Variants in DNAI1 observed in about 807,000 individuals in gnomAD.
DNAI1 encodes the protein dynein, axonemal, intermediate polypeptide 1.
A neutral mutation model predicts 92.0 loss-of-function variants in DNAI1; 67 were observed. That is an observed-to-expected ratio of 0.73 (90% CI 0.60 to 0.89). The LOEUF (loss-of-function observed/expected upper bound fraction) is 0.89, where lower values mean the gene tolerates loss of function less well. Ranked by LOEUF, DNAI1 falls within the 40% of genes least tolerant of loss-of-function variation. DNAI1 has a pLI of 0.00. For missense variants in DNAI1, 839 were observed against 866.6 expected (o/e 0.97, Z 0.40); for synonymous variants, 323 against 319.6 (o/e 1.01, Z -0.11).
rs911054509 is a variant in DNAI1 at position 34,466,665 on chromosome 9, A to G, written c.48+7612A>G. On this transcript the variant is annotated intron_variant, in intron 1 of 19. Transcript: ENST00000242317. ...ATGTGGGGAGTTACAGATGGTTATT[A>G]TAAGTACATAGATAACCTAGAATTG... Among the ~76,000 whole-genome samples, 7 of 152,270 alleles carry G rather than the reference A, an allele frequency of 4.6e-5. No individual in the cohort carries two copies. The East Asian group carries it at 1.2e-3, about 25-fold the overall frequency.
At chr9:34,509,326 T>C (rs932134455) in intron 13 of DNAI1, among the ~76,000 whole-genome samples, 7 of 152,122 alleles carry the variant, frequency 4.6e-5, no homozygotes, top group African/African-American at 1.7e-4. Flanking sequence ...TGTTGGGAAG[T>C]GACACGTCAT....
chr9:34,472,857 G>T (rs149320034), intron 1 of DNAI1, among the ~76,000 whole-genome samples: 345 of 151,602 alleles, frequency 2.3e-3, no homozygotes, highest in South Asian at 8.9e-3. Flanking sequence ...AGCCGTGATT[G>T]TGTTGCTGCA....
intron 12 of DNAI1, among the ~76,000 whole-genome samples, chr9:34,502,708 C>A (rs560526283): frequency 1.3e-5 from 2 of 152,218 alleles, no homozygotes; most frequent in African/African-American, 4.8e-5. Flanking sequence ...CAGGCACTTA[C>A]CTGAGAACGG....
At chr9:34,463,059 A>T (rs955261957) in intron 1 of DNAI1, among the ~76,000 whole-genome samples, 4 of 152,162 alleles carry the variant, frequency 2.6e-5, no homozygotes, top group African/African-American at 7.2e-5. Context: ...GAATCACAAG[A>T]TTATCATTTA....
intron 4 of DNAI1, among the ~76,000 whole-genome samples, chr9:34,487,629 A>T (rs1211139884): frequency 1.3e-5 from 2 of 151,988 alleles, no homozygotes; most frequent in Non-Finnish European, 2.9e-5. Flanking sequence ...TGTTCTTCTG[A>T]CATCTGAAAG....
chr9:34,494,086 G>C (rs1385457475), intron 9 of DNAI1, among the ~76,000 whole-genome samples: 7 of 152,136 alleles, frequency 4.6e-5, no homozygotes, highest in African/African-American at 1.7e-4. Flanking sequence ...GGATGGGTTT[G>C]ACTTGCAGTG....
At chr9:34,490,328 T>C (rs1290985060) in intron 6 of DNAI1, 41 bp from the exon 7 acceptor site, 3 of 1,614,034 alleles carry the variant, frequency 1.9e-6, no homozygotes, top group African/African-American at 2.7e-5. Context: ...TCTACCACCT[T>C]CTCACAGCTG....
Position 34,490,145 on chromosome 9 carries a change from G to A in DNAI1, c.501+21G>A, listed in dbSNP as rs1425962559. 9.9e-6 allele frequency: 16 copies of A among 1,613,640 alleles called. 1 individual carries two copies. The Middle Eastern group carries it at 8.3e-4, about 83-fold the overall frequency. ...CTGGGGTACAGTATAATATCGCTCT[G>A]TGTCCCTCTTCTTCCAGCTCAAGCT... is the stretch of plus-strand genomic sequence containing the variant. On this transcript the variant is annotated intron_variant, in intron 6 of 19. Coordinates refer to ENST00000242317, the MANE Select transcript of DNAI1 (RefSeq NM_012144.4).
chr9:34,506,681 C>T lies in DNAI1; in HGVS notation c.1118C>T (p.Pro373Leu). 6.2e-7 allele frequency: 1 copy of T among 1,614,194 alleles called. No homozygotes were observed. The highest frequency in any genetic ancestry group is 8.5e-7 in the Non-Finnish European group (1 of 1,180,038). ...GMLLLYSLKN[P>L]SFPEYMFSSN... ...CTGCTGCTCTACAGCCTGAAGAACC[C>T]CAGCTTCCCTGAGTACATGTTCAGC... Residue 373 changes from proline to leucine, a missense_variant, in exon 13 of 20, where the codon CCC becomes CTC. Physicochemically the swap from Pro to Leu is moderately conservative, Grantham distance 98 (BLOSUM62 -3). Coordinates refer to ENST00000242317, the MANE Select transcript of DNAI1 (RefSeq NM_012144.4).
At chr9:34,510,757 C>G (rs958202063) in intron 13 of DNAI1, among the ~76,000 whole-genome samples, 3 of 152,172 alleles carry the variant, frequency 2.0e-5, no homozygotes, top group Non-Finnish European at 4.4e-5. Context: ...GCGCCTCTTA[C>G]AGCCTGGCCT....
At chr9:34,480,967 G>A (rs144968099) in intron 1 of DNAI1, among the ~76,000 whole-genome samples, 2,480 of 152,044 alleles carry the variant, frequency 0.016, 60 homozygotes, top group African/African-American at 0.055. Flanking sequence ...TAGGCTGGGC[G>A]TGGTGGCTTA....
chr9:34,505,980 G>T (rs1015914897), intron 12 of DNAI1, among the ~76,000 whole-genome samples: 1 of 152,170 alleles, frequency 6.6e-6, no homozygotes, highest in Non-Finnish European at 1.5e-5. Context: ...ACATGGGGCT[G>T]GTGGGGAGAA....
intron 13 of DNAI1, among the ~76,000 whole-genome samples, chr9:34,510,163 CAGA>C (rs1046307441): frequency 1.3e-5 from 2 of 152,112 alleles, no homozygotes; most frequent in African/African-American, 2.4e-5. Flanking sequence ...CAGGCTGAGG[CAGA>C]AGGAGTTTGT....
chr9:34,466,168 GCACTACTCTGAA>G (rs144025582), intron 1 of DNAI1, among the ~76,000 whole-genome samples: 3,631 of 152,280 alleles, frequency 0.024, 126 homozygotes, highest in African/African-American at 0.08. Flanking sequence ...GGTATGTACT[GCACTACTCTGAA>G]CACTAACTTT....
intron 12 of DNAI1, among the ~76,000 whole-genome samples, chr9:34,503,728 C>T (rs1019005765): frequency 6.6e-6 from 1 of 152,150 alleles, no homozygotes; most frequent in African/African-American, 2.4e-5. Context: ...CAGAAACATC[C>T]CTACCTGCTT....
rs1430033932 is a variant in DNAI1 at position 34,492,511 on chromosome 9, T to G, written c.682-683T>G. 2.0e-3 allele frequency among the ~76,000 whole-genome samples: 222 copies of G among 109,166 alleles called. 11 individuals are homozygous for G. The highest frequency in any genetic ancestry group is 4.6e-3 in the Middle Eastern group (1 of 216). 71.6% of individuals were successfully genotyped at this position (109,166 alleles called of 152,430 possible). On this transcript the variant is annotated intron_variant, in intron 8 of 19. Coordinates refer to ENST00000242317, the MANE Select transcript of DNAI1 (RefSeq NM_012144.4). ...ATATGAAGATATATATATATATATA[T>G]ATATATATATATATATATATATATT...
intron 4 of DNAI1, chr9:34,488,113 T>C (rs1480123513): frequency 5.1e-6 from 2 of 394,328 alleles, no homozygotes; most frequent in Admixed American, 3.0e-5. Flanking sequence ...ATATTGAGCA[T>C]TTATTATGTG....
chr9:34,458,893 C>A lies in DNAI1; in HGVS notation c.-113C>A. ...GACGGCTGTCCCTAAAGAACCGTTG[C>A]GACTGGTAACTGAAGTGGAAGAGAG... On this transcript the variant is annotated 5_prime_UTR_variant, in exon 1 of 20. Coordinates refer to ENST00000242317, the MANE Select transcript of DNAI1 (RefSeq NM_012144.4). This position sits in a 1 kb window ranked among gnomAD's most constrained non-coding sequence, Gnocchi z 6.6. The A allele has an allele frequency of 3.2e-6, 3 of 931,930 alleles. No individual in the cohort carries two copies. The highest frequency in any genetic ancestry group is 5.3e-6 in the Non-Finnish European group (3 of 570,082). The allele number at this position is 931,930 out of a possible 1,614,324, so 57.7% of individuals were successfully genotyped here. A position where few individuals can be genotyped will look rare whatever the true frequency, so the allele number is the denominator to read the frequency against.
chr9:34,518,728 G>A lies in DNAI1; in HGVS notation c.2001+1261G>A, dbSNP rs192361134. Among the ~76,000 whole-genome samples, 208 of 152,366 alleles carry A rather than the reference G, an allele frequency of 1.4e-3. 1 individual carries two copies. The highest frequency in any genetic ancestry group is 4.8e-3 in the African/African-American group (199 of 41,588). On this transcript the variant is annotated intron_variant, in intron 19 of 19. Coordinates refer to ENST00000242317, the MANE Select transcript of DNAI1 (RefSeq NM_012144.4). ...GAGGGATGATGGTCATTCTTTGGGG[G>A]AGGAGTACAGCCATGACACCATGAG...
Sources: allele counts gnomAD v4.1 joint callset (sites outside exome capture counted in the v4.1 genomes callset), GRCh38; gene constraint gnomAD v4.1.1; non-coding constraint Gnocchi (gnomAD v3.1); transcripts MANE v1.5; gene names NCBI Gene and HGNC (gene_info 2026-07-23, HGNC 2026-07-21).